Variants in RNF212B observed in about 807,000 individuals in gnomAD.
The protein encoded by RNF212B is ring finger protein 212B.
In RNF212B, 52 loss-of-function variants were observed where a neutral mutation model predicts 55.5. The observed-to-expected ratio is 0.94, with a 90% CI of 0.75 to 1.18. The LOEUF (loss-of-function observed/expected upper bound fraction) is 1.18. RNF212B is among the 50% of genes most tolerant of loss of function. The pLI is 0.00. For synonymous variants in RNF212B, 99 were observed against 121.4 expected, an observed-to-expected ratio of 0.82 and a Z score of 1.21; for missense variants, 289 against 350.4, an observed-to-expected ratio of 0.82 and a Z score of 1.40.
chr14:23,269,953 C>T lies in RNF212B; in HGVS notation c.765C>T (p.Asn255=). The change falls in exon 13 of 15, where the codon AAC becomes AAT. Residue 255 remains asparagine, a synonymous_variant. Coordinates refer to ENST00000430154, the MANE Select transcript of RNF212B (RefSeq NM_001282322.3). The part of the protein sequence containing the change: ...HSGHTRVLTP[N]NFAQRESTTT... The stretch of plus-strand genomic sequence containing the variant: ...GCCACACAAGAGTCCTCACCCCCAA[C>T]AATTTTGGTAAGTTAAATAACATTT... The T allele has an allele frequency of 2.6e-6, 4 of 1,529,294 alleles. No individual in the cohort carries two copies. The highest frequency in any genetic ancestry group is 3.5e-6 in the Non-Finnish European group (4 of 1,127,712). The allele number at this position is 1,529,294 out of a possible 1,614,324, so 94.7% of individuals were successfully genotyped here.
chr14:23,261,495 A>G (rs1032324882), intron 7 of RNF212B, among the ~76,000 whole-genome samples: 9 of 152,230 alleles, frequency 5.9e-5, no homozygotes, highest in African/African-American at 1.7e-4. Context: ...TCATCCTTCA[A>G]AATTGAACTC....
At chr14:23,236,584 A>C (rs1229465193), upstream of RNF212B, among the ~76,000 whole-genome samples, 1 of 152,194 alleles carries the variant, frequency 6.6e-6, no homozygotes, top group Non-Finnish European at 1.5e-5. Context: ...ACACACATTT[A>C]ATGGGGTTTA....
chr14:23,205,705 T>C (rs556252193), intron 2 of RNF212B, among the ~76,000 whole-genome samples: 49 of 152,286 alleles, frequency 3.2e-4, no homozygotes, highest in African/African-American at 1.2e-3. Flanking sequence ...AACAGTCCTT[T>C]CCCAAAACAA....
intron 2 of RNF212B, among the ~76,000 whole-genome samples, chr14:23,195,759 C>T (rs1252563928): frequency 1.3e-5 from 2 of 152,204 alleles, no homozygotes; most frequent in Non-Finnish European, 2.9e-5. Flanking sequence ...TGAGCAATCA[C>T]TATGTGCCAG....
chr14:23,262,178 C>A (rs74036966), intron 7 of RNF212B, among the ~76,000 whole-genome samples: 14,069 of 151,638 alleles, frequency 0.093, 711 homozygotes, highest in Non-Finnish European at 0.11. Context: ...TTTTTTTCAT[C>A]TCTCCCACTA....
At chr14:23,211,016 G>A (rs1190613055) in intron 2 of RNF212B, among the ~76,000 whole-genome samples, 1 of 151,788 alleles carries the variant, frequency 6.6e-6, no homozygotes, top group African/African-American at 2.4e-5. Context: ...TCAGGACTTC[G>A]AGACCAGACT....
At chr14:23,233,928 C>T (rs1265097865), upstream of RNF212B, among the ~76,000 whole-genome samples, 2 of 152,054 alleles carry the variant, frequency 1.3e-5, no homozygotes, top group African/African-American at 2.4e-5. Flanking sequence ...GAAACCCTGT[C>T]TCTACTAAAA....
intron 7 of RNF212B, among the ~76,000 whole-genome samples, chr14:23,261,603 GGCTGGATATATACC>G (rs1343091395): frequency 4.6e-5 from 7 of 152,098 alleles, no homozygotes; most frequent in African/African-American, 1.7e-4. Flanking sequence ...CCATGTTACA[GGCTGGATATATACC>G]ACCGGTCCTT....
chr14:23,247,659 T>G (rs1884087332), intron 4 of RNF212B, among the ~76,000 whole-genome samples: 1 of 152,208 alleles, frequency 6.6e-6, no homozygotes, highest in African/African-American at 2.4e-5. Context: ...ACATTTTACT[T>G]ATCCATTCAT....
chr14:23,272,707 G>C (rs915440603), intron 14 of RNF212B, 116 bp from the exon 15 acceptor site: 8 of 713,588 alleles, frequency 1.1e-5, no homozygotes, highest in African/African-American at 1.1e-4. Flanking sequence ...AAAACTATGG[G>C]GAAGCAAAAG....
At chr14:23,270,834 A>G (rs1420661143) in intron 14 of RNF212B, among the ~76,000 whole-genome samples, 173 bp downstream of exon 14, 3 of 152,162 alleles carry the variant, frequency 2.0e-5, no homozygotes, top group Non-Finnish European at 4.4e-5. Flanking sequence ...ATTTTATCCT[A>G]CTGTTAGATT....
At chr14:23,193,763 A>T (rs1387268693) in intron 2 of RNF212B, among the ~76,000 whole-genome samples, 1 of 146,540 alleles carries the variant, frequency 6.8e-6, no homozygotes, top group Non-Finnish European at 1.5e-5. Flanking sequence ...AAAAAAAAAA[A>T]GGAAGAATGG....
rs1885171105 is a variant in RNF212B at position 23,259,891 on chromosome 14, T to A, written c.352T>A (p.Ser118Thr). The change falls in exon 6 of 15, where the codon TCA (serine) becomes ACA (threonine). Residue 118 changes from serine (S) to threonine (T), a missense_variant. Coordinates refer to ENST00000430154, the MANE Select transcript of RNF212B (RefSeq NM_001282322.3). ...TTTCCATCTTTTGCCTAGAGAATTG[T>A]CAGTCTTAAGGAAGGAGAATGGAGA... ...QALVSQDKEL[S>T]VLRKENGELK... 3 of 1,512,112 alleles carry A rather than the reference T, an allele frequency of 2.0e-6. No individual in the cohort carries two copies. The highest frequency in any genetic ancestry group is 2.3e-5 in the Admixed American group (1 of 44,298). 93.7% of individuals were successfully genotyped at this position (1,512,112 alleles called of 1,614,324 possible). A position where few individuals can be genotyped will look rare whatever the true frequency, so the allele number is the denominator to read the frequency against.
chr14:23,209,932 C>G (rs925046147), intron 2 of RNF212B, among the ~76,000 whole-genome samples: 3 of 152,128 alleles, frequency 2.0e-5, no homozygotes, highest in African/African-American at 2.4e-5. Flanking sequence ...GTGGGCTGAT[C>G]ACTTGAAGCC....
intron 2 of RNF212B, among the ~76,000 whole-genome samples, chr14:23,198,886 C>T (rs1879001879): frequency 6.6e-6 from 1 of 151,700 alleles, no homozygotes; most frequent in Non-Finnish European, 1.5e-5. Context: ...TAGAATGAGC[C>T]CTTGGGTAGT....
At chr14:23,258,692 G>A (rs907722903) in intron 5 of RNF212B, 28 bp downstream of exon 5, 6 of 811,300 alleles carry the variant, frequency 7.4e-6, no homozygotes, top group Middle Eastern at 2.6e-4. Context: ...TCCCAAGAGA[G>A]CTTTTTTTTT....
chr14:23,250,724 T>C (rs962412845), intron 4 of RNF212B, among the ~76,000 whole-genome samples: 42 of 152,290 alleles, frequency 2.8e-4, no homozygotes, highest in African/African-American at 9.9e-4. Flanking sequence ...TCAGACGACA[T>C]GTGCCCAAGG....
chr14:23,225,906 A>C (rs1881959129), intron 2 of RNF212B, among the ~76,000 whole-genome samples: 1 of 152,208 alleles, frequency 6.6e-6, no homozygotes, highest in South Asian at 2.1e-4. Context: ...CATGATGTGA[A>C]TATTACTCAT....
At chr14:23,188,638 T>A (rs556593513) in intron 1 of RNF212B, among the ~76,000 whole-genome samples, 11 of 152,114 alleles carry the variant, frequency 7.2e-5, no homozygotes, top group Admixed American at 2.6e-4. Flanking sequence ...GGCAAATTTT[T>A]AAAAAATTTT....
Sources: allele counts gnomAD v4.1 joint callset (sites outside exome capture counted in the v4.1 genomes callset), GRCh38; gene constraint gnomAD v4.1.1; transcripts MANE v1.5; gene names NCBI Gene and HGNC (gene_info 2026-07-23, HGNC 2026-07-21).